RBMS3: variants seen among roughly 807,000 people sequenced by gnomAD.
RBMS3 encodes the protein RNA binding motif single stranded interacting protein 3, also known as RNA-binding motif, single-stranded-interacting protein 3.
Under a neutral mutation model 66.8 loss-of-function variants are expected in RBMS3, and 27 were observed. The observed-to-expected ratio is 0.40, with a 90% confidence interval of 0.30 to 0.56. The LOEUF is 0.56. Ranked by LOEUF, RBMS3 falls within the 20% of genes least tolerant of loss-of-function variation. The pLI is 0.40. For missense variants in RBMS3, 513 were observed against 549.5 expected (o/e 0.93, Z 0.66); for synonymous variants, 188 against 183.0 (o/e 1.03, Z -0.22).
At chr3:29,523,573 C>G (rs1189386884) in intron 3 of RBMS3, among the ~76,000 whole-genome samples, 16 of 151,990 alleles carry the variant, frequency 1.1e-4, no homozygotes, top group Admixed American at 1.0e-3. Flanking sequence ...GATACTGCAA[C>G]AAAAAATACT....
chr3:29,364,067 A>G (rs1048301174), intron 1 of RBMS3, among the ~76,000 whole-genome samples: 1 of 152,232 alleles, frequency 6.6e-6, no homozygotes. Flanking sequence ...GTGGAATGAT[A>G]TAGGTACAGG....
At chr3:29,751,733 G>C (rs1031065912) in intron 5 of RBMS3, among the ~76,000 whole-genome samples, 3 of 152,216 alleles carry the variant, frequency 2.0e-5, no homozygotes, top group African/African-American at 7.2e-5. Flanking sequence ...TTTTGAGACA[G>C]GATAGTTCCC....
chr3:29,676,082 A>G (rs1015718359), intron 4 of RBMS3, among the ~76,000 whole-genome samples: 1 of 152,234 alleles, frequency 6.6e-6, no homozygotes, highest in Non-Finnish European at 1.5e-5. Flanking sequence ...ACACCATGGA[A>G]TACTATGCAG....
At chr3:29,852,770 G>A (rs2058968721) in intron 6 of RBMS3, among the ~76,000 whole-genome samples, 2 of 152,228 alleles carry the variant, frequency 1.3e-5, no homozygotes, top group South Asian at 2.1e-4. Context: ...AAAGACCTAC[G>A]AATAGAAATA....
intron 12 of RBMS3, among the ~76,000 whole-genome samples, chr3:29,946,287 A>G (rs1211113769): frequency 2.0e-5 from 3 of 151,690 alleles, no homozygotes; most frequent in Non-Finnish European, 4.4e-5. Flanking sequence ...GCATTGTAAT[A>G]TCTCCTTCCC....
At chr3:29,975,948 T>C (rs980355945) in intron 12 of RBMS3, among the ~76,000 whole-genome samples, 3 of 152,036 alleles carry the variant, frequency 2.0e-5, no homozygotes, top group African/African-American at 7.2e-5. Flanking sequence ...AGTCTTCTAA[T>C]TGAGGAATGT....
chr3:29,332,080 A>G (rs2035697093), intron 1 of RBMS3, among the ~76,000 whole-genome samples: 1 of 152,006 alleles, frequency 6.6e-6, no homozygotes, highest in Non-Finnish European at 1.5e-5. Context: ...AAAGGACTCA[A>G]GTATACCTAG....
At chr3:29,786,259 C>T (rs1228261955) in intron 6 of RBMS3, among the ~76,000 whole-genome samples, 1 of 152,076 alleles carries the variant, frequency 6.6e-6, no homozygotes, top group Non-Finnish European at 1.5e-5. Context: ...AATGACCATA[C>T]TGCCAAAGGC....
At chr3:29,965,650 T>A (rs1383127247) in intron 12 of RBMS3, among the ~76,000 whole-genome samples, 1 of 152,170 alleles carries the variant, frequency 6.6e-6, no homozygotes, top group Non-Finnish European at 1.5e-5. Context: ...ATGTATAGAT[T>A]GTGAAGATTT....
At chr3:29,878,366 T>C (rs1378223134) in intron 7 of RBMS3, among the ~76,000 whole-genome samples, 1 of 152,134 alleles carries the variant, frequency 6.6e-6, no homozygotes, top group Non-Finnish European at 1.5e-5. Context: ...TATACACTTT[T>C]AGTATCACAT....
chr3:29,939,608 G>A (rs994432010), intron 11 of RBMS3, among the ~76,000 whole-genome samples: 10 of 151,822 alleles, frequency 6.6e-5, no homozygotes, highest in African/African-American at 2.4e-4. Context: ...TTTGTCCCAA[G>A]AACTCCCAGT....
intron 12 of RBMS3, among the ~76,000 whole-genome samples, chr3:29,981,960 C>T (rs897929658): frequency 6.6e-6 from 1 of 152,074 alleles, no homozygotes; most frequent in African/African-American, 2.4e-5. Flanking sequence ...GGGAGGATTC[C>T]CTCTTTTTCT....
chr3:29,554,375 C>A (rs530482403), intron 3 of RBMS3, among the ~76,000 whole-genome samples: 1 of 152,300 alleles, frequency 6.6e-6, no homozygotes, highest in Non-Finnish European at 1.5e-5. Context: ...TCTAACTCAG[C>A]AATTCAGTTA....
Position 29,542,734 on chromosome 3 carries a change from C to T in RBMS3, c.308-44380C>T, listed in dbSNP as rs952673910. Among the ~76,000 whole-genome samples the T allele has an allele frequency of 3.3e-5, 5 of 152,164 alleles. No individual in the cohort carries two copies. The South Asian group carries it at 8.3e-4, about 25-fold the overall frequency. On this transcript the variant is annotated intron_variant, in intron 3 of 14. Transcript: ENST00000383767. ...AAATACTCAGTTCCCTCTAATAAGT[C>T]TTGAACTATTTCTAGGTTGACTGAC...
intron 10 of RBMS3, among the ~76,000 whole-genome samples, chr3:29,904,530 T>C (rs562712391): frequency 1.3e-5 from 2 of 152,112 alleles, no homozygotes; most frequent in South Asian, 4.1e-4. Context: ...GTCACTACTG[T>C]ATAAATGCAC....
chr3:29,379,363 G>T (rs747182784), intron 1 of RBMS3, among the ~76,000 whole-genome samples: 15 of 152,060 alleles, frequency 9.9e-5, no homozygotes, highest in Non-Finnish European at 1.5e-5. Flanking sequence ...AAAAAAATGG[G>T]TCTTTTATTT....
intron 2 of RBMS3, among the ~76,000 whole-genome samples, chr3:29,435,476 C>T (rs2041365695): frequency 6.6e-6 from 1 of 152,192 alleles, no homozygotes; most frequent in African/African-American, 2.4e-5. Context: ...GGACCACACT[C>T]ACTAAGTAGT....
At chr3:29,564,570 G>A (rs141637920) in intron 3 of RBMS3, among the ~76,000 whole-genome samples, 180 of 151,666 alleles carry the variant, frequency 1.2e-3, no homozygotes, top group African/African-American at 3.9e-3. Flanking sequence ...AAAGTTATAG[G>A]ACTTAAATGA....
chr3:29,676,721 G>A (rs75947684), intron 4 of RBMS3, among the ~76,000 whole-genome samples: 2,756 of 152,186 alleles, frequency 0.018, 71 homozygotes, highest in East Asian at 0.11. Flanking sequence ...TCATATGAGT[G>A]CTATATTCTA....
Sources: gnomAD v4.1 joint callset for allele counts (sites outside exome capture counted in the v4.1 genomes callset) on GRCh38, gnomAD v4.1.1 for gene constraint, MANE v1.5 for transcripts, NCBI Gene and HGNC (gene_info 2026-07-23, HGNC 2026-07-21) for gene names.